USP16: variants seen among roughly 807,000 people sequenced by gnomAD.
The protein encoded by USP16 is ubiquitin carboxyl-terminal hydrolase 16.
A neutral mutation model predicts 95.9 loss-of-function variants in USP16; 77 were observed. The observed-to-expected ratio is 0.80, with a 90% CI of 0.67 to 0.97. USP16 has a LOEUF of 0.97. Among genes scored for constraint, USP16 ranks in the 50% least tolerant of loss-of-function variants. The pLI is 0.00. For synonymous variants in USP16, 303 were observed against 318.2 expected, an observed-to-expected ratio of 0.95 and a Z score of 0.51; for missense variants, 943 against 959.9, an observed-to-expected ratio of 0.98 and a Z score of 0.23.
At chr21:29,050,516 A>G (rs2085397897) in intron 16 of USP16, among the ~76,000 whole-genome samples, 1 of 152,250 alleles carries the variant, frequency 6.6e-6, no homozygotes, top group East Asian at 1.9e-4. Context: ...GTATACACTT[A>G]ACCCAGCATG....
intron 2 of USP16, among the ~76,000 whole-genome samples, chr21:29,028,828 A>T (rs1427270683): frequency 6.6e-6 from 1 of 152,236 alleles, no homozygotes; most frequent in Non-Finnish European, 1.5e-5. Context: ...ACTGTTACAG[A>T]TTTAGGTAAT....
chr21:29,036,187 C>A, intron 4 of USP16, 84 bp from the exon 5 acceptor site: 2 of 1,171,458 alleles, frequency 1.7e-6, no homozygotes, highest in Non-Finnish European at 2.5e-6. Flanking sequence ...GGCAGTTACA[C>A]ACTTTGATTC....
intron 16 of USP16, among the ~76,000 whole-genome samples, chr21:29,051,615 G>C (rs1455552485): frequency 6.6e-6 from 1 of 152,206 alleles, no homozygotes; most frequent in African/African-American, 2.4e-5. Context: ...TGGATCACTT[G>C]AGGTGAGGAG....
intron 13 of USP16, among the ~76,000 whole-genome samples, chr21:29,046,009 A>G (rs938214478): frequency 9.2e-5 from 14 of 152,128 alleles, no homozygotes; most frequent in African/African-American, 3.4e-4. Context: ...TTTTTAGTAG[A>G]GATGGGTTTT....
In USP16 at chr21:29,027,936, G is replaced by A. The variant is rs373447233; in HGVS notation, c.23G>A (p.Gly8Glu). Residue 8 changes from glycine (G) to glutamate (E), a missense_variant, in exon 2 of 18, where the codon GGA becomes GAA. By Grantham distance (98) the Gly-to-Glu change is moderately conservative. Coordinates refer to ENST00000399976, the MANE Select transcript of USP16 (RefSeq NM_006447.3). ...AACATGGGAAAGAAACGGACAAAGG[G>A]AAAAACTGTTCCAATCGATGATTCC... MGKKRTK[G>E]KTVPIDDSSE... 4.3e-6 allele frequency: 7 copies of A among 1,613,364 alleles called. No individual in the cohort carries two copies. In the African/African-American group the frequency reaches 8.0e-5, roughly 18 times the overall value.
In USP16 at chr21:29,047,134, T is replaced by G. The variant is rs928497324; in HGVS notation, c.1824T>G (p.Val608=). The G allele has an allele frequency of 1.9e-6, 3 of 1,614,002 alleles. No individual in the cohort carries two copies. ...SHTPGTKVYE[V]VNEDPETAFC... ...CTCCTGGAACAAAGGTGTATGAGGT[T>G]GTAAATGAAGATCCAGAAACTGCTT... The change falls in exon 14 of 18, where the codon GTT becomes GTG. Residue 608 remains valine, a synonymous_variant. Coordinates refer to ENST00000399976, the MANE Select transcript of USP16 (RefSeq NM_006447.3).
At chr21:29,026,289 C>G (rs2084985585) in intron 1 of USP16, among the ~76,000 whole-genome samples, 1 of 151,930 alleles carries the variant, frequency 6.6e-6, no homozygotes, top group Non-Finnish European at 1.5e-5. Context: ...AACCCCGTCT[C>G]TACTAAAAAT....
At chr21:29,037,199 G>A in intron 5 of USP16, 77 bp from the exon 6 acceptor site, 2 of 956,940 alleles carry the variant, frequency 2.1e-6, no homozygotes, top group Non-Finnish European at 2.9e-6. Flanking sequence ...ACAAACTCTA[G>A]TACTGTTTCC....
In USP16 at chr21:29,024,828, G is replaced by C. The variant is rs1041703035; in HGVS notation, c.-42+51G>C. ...AGTCGTCGCTCGCCTGGCTTTCTGC[G>C]CTGGGAGAGCTCCTGTTTTCCGCCC... is the stretch of plus-strand genomic sequence containing the variant. On this transcript the variant is annotated intron_variant, in intron 1 of 17. Transcript: ENST00000399976. 2.4e-6 allele frequency: 3 copies of C among 1,243,372 alleles called. No individual in the cohort carries two copies. The Admixed American group carries it at 8.3e-5, about 34-fold the overall frequency. The allele number at this position is 1,243,372 out of a possible 1,614,324, so 77.0% of individuals were successfully genotyped here. A position where few individuals can be genotyped will look rare whatever the true frequency, so the allele number is the denominator to read the frequency against.
intron 12 of USP16, 118 bp from the exon 13 acceptor site, chr21:29,043,305 T>C (rs1013176080): frequency 2.9e-6 from 2 of 698,396 alleles, no homozygotes; most frequent in African/African-American, 1.9e-5. Flanking sequence ...TCAAATATTG[T>C]GGAAAAAAAA....
intron 5 of USP16, among the ~76,000 whole-genome samples, chr21:29,036,783 T>C (rs1285761766): frequency 2.0e-5 from 3 of 152,262 alleles, no homozygotes; most frequent in Non-Finnish European, 4.4e-5. Flanking sequence ...CATAATTAAA[T>C]TAATTGGCTG....
Position 29,039,101 on chromosome 21 carries a change from G to C in USP16, c.808G>C (p.Glu270Gln), listed in dbSNP as rs772758055. The change falls in exon 8 of 18, where the codon GAG becomes CAG. Residue 270 changes from glutamate (E) to glutamine (Q), a missense_variant. By Grantham distance (29) the Glu-to-Gln change is conservative. Coordinates refer to ENST00000399976, the MANE Select transcript of USP16 (RefSeq NM_006447.3). ...GAGCCAGTTTCTTAATGAGATGCAA[G>C]AGACCAAAAAGGGGGTTGTGACACC... is the stretch of plus-strand genomic sequence containing the variant. Reference protein sequence around the residue: ...AMSQFLNEMQETKKGVVTPKE... With the variant: ...AMSQFLNEMQQTKKGVVTPKE... 2.5e-5 allele frequency: 39 copies of C among 1,588,094 alleles called. No individual in the cohort carries two copies. Among genetic ancestry groups the C allele is most frequent in the South Asian group, 1.3e-4 (11 of 87,738 alleles).
intron 2 of USP16, among the ~76,000 whole-genome samples, chr21:29,029,049 A>C (rs1318354903): frequency 6.6e-6 from 1 of 152,196 alleles, no homozygotes; most frequent in Admixed American, 6.5e-5. Flanking sequence ...TAAAGTGCCC[A>C]TTTCCCTGAA....
At chr21:29,029,485 TTTTTC>T (rs2085047060) in intron 2 of USP16, among the ~76,000 whole-genome samples, 1 of 152,208 alleles carries the variant, frequency 6.6e-6, no homozygotes, top group African/African-American at 2.4e-5. Flanking sequence ...GATTTGGTAG[TTTTTC>T]CACCTGATCC....
chr21:29,040,779 A>G, intron 10 of USP16, 92 bp downstream of exon 10: 2 of 540,778 alleles, frequency 3.7e-6, no homozygotes, highest in South Asian at 3.9e-5. Context: ...CAAGTCCACA[A>G]TTATTAATGT....
chr21:29,027,527 AT>A (rs1285031795), intron 1 of USP16, among the ~76,000 whole-genome samples: 1 of 152,252 alleles, frequency 6.6e-6, no homozygotes, highest in African/African-American at 2.4e-5. Flanking sequence ...AAGTGCTGCC[AT>A]TATTTCACAT....
chr21:29,049,125 A>C (rs1003400880), intron 15 of USP16, among the ~76,000 whole-genome samples: 1 of 152,196 alleles, frequency 6.6e-6, no homozygotes, highest in Non-Finnish European at 1.5e-5. Flanking sequence ...AGGTTAAAAA[A>C]AGAAAAAGAC....
intron 14 of USP16, among the ~76,000 whole-genome samples, chr21:29,048,026 A>G (rs1004171298): frequency 6.6e-6 from 1 of 150,606 alleles, no homozygotes; most frequent in Non-Finnish European, 1.5e-5. Context: ...TTGTCTGTAT[A>G]TATATCAGCT....
At chr21:29,050,209 C>A in intron 16 of USP16, 31 bp downstream of exon 16, 1 of 1,598,552 alleles carries the variant, frequency 6.3e-7, no homozygotes, top group East Asian at 2.2e-5. Context: ...TCAGGAAAGT[C>A]CTTTAAAGTC....
Sources: gnomAD v4.1 joint callset for allele counts (sites outside exome capture counted in the v4.1 genomes callset) on GRCh38, gnomAD v4.1.1 for gene constraint, MANE v1.5 for transcripts, NCBI Gene and HGNC (gene_info 2026-07-23, HGNC 2026-07-21) for gene names.